The following GRXCR1 variants were observed in gnomAD, a reference collection of about 807,000 sequenced individuals.
GRXCR1 encodes glutaredoxin and cysteine rich domain containing 1.
GRXCR1 carries 27 observed loss-of-function variants against 27.3 expected under a neutral mutation model. The observed-to-expected ratio is 0.99, with a 90% CI of 0.73 to 1.37. The LOEUF (loss-of-function observed/expected upper bound fraction) is 1.37, where lower values mean the gene tolerates loss of function less well. Ranked by LOEUF, GRXCR1 falls within the 40% of genes most tolerant of loss-of-function variation. GRXCR1 has a pLI of 0.00. For synonymous variants in GRXCR1, 122 were observed against 131.1 expected (o/e 0.93, Z 0.47); for missense variants, 379 against 354.4 (o/e 1.07, Z -0.56).
At chr4:43,013,035 G>A (rs2109803485) in intron 2 of GRXCR1, among the ~76,000 whole-genome samples, 1 of 152,264 alleles carries the variant, frequency 6.6e-6, no homozygotes, top group South Asian at 2.1e-4. Flanking sequence ...AGACGCTAGT[G>A]AGGCTGCAGA....
At chr4:42,966,449 T>C (rs1031121326) in intron 2 of GRXCR1, among the ~76,000 whole-genome samples, 2 of 152,082 alleles carry the variant, frequency 1.3e-5, no homozygotes, top group African/African-American at 4.8e-5. Context: ...TCTATATATG[T>C]TTAAAGTACT....
At chr4:42,939,813 A>G (rs890581988) in intron 1 of GRXCR1, among the ~76,000 whole-genome samples, 1 of 151,936 alleles carries the variant, frequency 6.6e-6, no homozygotes, top group Non-Finnish European at 1.5e-5. Flanking sequence ...GGGTCTCTGC[A>G]TTGTGACCTT....
chr4:42,910,395 C>G (rs1157201368), intron 1 of GRXCR1, among the ~76,000 whole-genome samples: 1 of 152,162 alleles, frequency 6.6e-6, no homozygotes, highest in East Asian at 1.9e-4. Flanking sequence ...AGAATCTACA[C>G]CACCCAGCAA....
chr4:43,016,380 A>G (rs1712931827), intron 2 of GRXCR1, among the ~76,000 whole-genome samples: 3 of 152,150 alleles, frequency 2.0e-5, no homozygotes, highest in South Asian at 2.1e-4. Context: ...TGCTTGGTCA[A>G]CTGCTATTCT....
intron 2 of GRXCR1, among the ~76,000 whole-genome samples, chr4:43,001,276 T>A (rs1449036466): frequency 3.9e-5 from 6 of 152,154 alleles, no homozygotes; most frequent in Non-Finnish European, 8.8e-5. Context: ...TTGCTTGTTT[T>A]AAATATGATT....
At chr4:42,989,305 TTC>T (rs1241721795) in intron 2 of GRXCR1, among the ~76,000 whole-genome samples, 1 of 152,138 alleles carries the variant, frequency 6.6e-6, no homozygotes, top group Non-Finnish European at 1.5e-5. Flanking sequence ...ACGTGGCCTT[TTC>T]TCTCTTCCTA....
At chr4:42,951,777 CTGT>C (rs1747889723) in intron 1 of GRXCR1, among the ~76,000 whole-genome samples, 1 of 152,162 alleles carries the variant, frequency 6.6e-6, no homozygotes, top group Non-Finnish European at 1.5e-5. Context: ...TCACTAGCAT[CTGT>C]TGTTTCTTGA....
At chr4:43,012,446 A>G (rs939525848) in intron 2 of GRXCR1, among the ~76,000 whole-genome samples, 56 of 152,184 alleles carry the variant, frequency 3.7e-4, no homozygotes, top group African/African-American at 1.4e-3. Flanking sequence ...TTATCCAAAG[A>G]CAATGTAAGA....
At chr4:42,964,827 G>A (rs2109776096) in intron 2 of GRXCR1, among the ~76,000 whole-genome samples, 1 of 151,974 alleles carries the variant, frequency 6.6e-6, no homozygotes, top group East Asian at 1.9e-4. Flanking sequence ...ATATTCTTTT[G>A]TTCTCTCTCT....
chr4:42,997,321 T>C (rs1489311604), intron 2 of GRXCR1, among the ~76,000 whole-genome samples: 2 of 152,216 alleles, frequency 1.3e-5, no homozygotes, highest in East Asian at 1.9e-4. Context: ...CAAATTGTGA[T>C]TTTAATGAGC....
At chr4:42,962,807 T>C in intron 1 of GRXCR1, 85 bp from the exon 2 acceptor site, 1 of 1,513,870 alleles carries the variant, frequency 6.6e-7, no homozygotes, top group South Asian at 1.1e-5. Context: ...TTGCATGGCT[T>C]TAACGCAATT....
intron 1 of GRXCR1, among the ~76,000 whole-genome samples, chr4:42,940,403 T>C (rs1747589698): frequency 1.3e-5 from 2 of 152,104 alleles, no homozygotes; most frequent in African/African-American, 2.4e-5. Context: ...AGTTCTTTCA[T>C]GAACACCCCA....
intron 1 of GRXCR1, among the ~76,000 whole-genome samples, chr4:42,960,871 C>G (rs1450022986): frequency 6.6e-6 from 1 of 151,818 alleles, no homozygotes; most frequent in African/African-American, 2.4e-5. Flanking sequence ...TTCTGGGGAA[C>G]ATGTGCAGGA....
chr4:42,924,685 G>T (rs1440368791), intron 1 of GRXCR1, among the ~76,000 whole-genome samples: 2 of 152,024 alleles, frequency 1.3e-5, no homozygotes, highest in Admixed American at 1.3e-4. Context: ...GTTCCTGCCT[G>T]CCCTCCTAGA....
At chr4:42,929,874 A>C (rs1404829912) in intron 1 of GRXCR1, among the ~76,000 whole-genome samples, 1 of 151,994 alleles carries the variant, frequency 6.6e-6, no homozygotes, top group African/African-American at 2.4e-5. Flanking sequence ...TATCTCATAA[A>C]TTCTCATGAT....
chr4:42,922,589 C>G (rs1438227978), intron 1 of GRXCR1, among the ~76,000 whole-genome samples: 1 of 151,988 alleles, frequency 6.6e-6, no homozygotes, highest in East Asian at 1.9e-4. Context: ...GTCCCCATGT[C>G]CCCCATTAGG....
intron 2 of GRXCR1, among the ~76,000 whole-genome samples, chr4:43,011,698 A>G (rs1270892396): frequency 6.6e-6 from 1 of 152,180 alleles, no homozygotes; most frequent in Non-Finnish European, 1.5e-5. Flanking sequence ...TTTAAAATGA[A>G]CAATTATTGA....
In GRXCR1 at chr4:43,011,339, G is replaced by A. The variant is rs138948948; in HGVS notation, c.628-9015G>A. Among the ~76,000 whole-genome samples, 167 of 152,244 alleles carry A rather than the reference G, an allele frequency of 1.1e-3. 1 individual carries two copies. The highest frequency in any genetic ancestry group is 3.9e-3 in the African/African-American group (163 of 41,540). On this transcript the variant is annotated intron_variant, in intron 2 of 3. Transcript: ENST00000399770. ...TGCCCTTTGACTTCTAGTTGGATTT[G>A]GTCAGAGGGAAGCTGGAGCAGGATA...
intron 3 of GRXCR1, among the ~76,000 whole-genome samples, chr4:43,029,612 A>C (rs1184541858): frequency 6.6e-6 from 1 of 152,162 alleles, no homozygotes. Flanking sequence ...CTATCGGGCT[A>C]TTTTCATTCT....
Sources: gnomAD v4.1 joint callset for allele counts (sites outside exome capture counted in the v4.1 genomes callset) on GRCh38, gnomAD v4.1.1 for gene constraint, MANE v1.5 for transcripts, NCBI Gene and HGNC (gene_info 2026-07-23, HGNC 2026-07-21) for gene names.